Variants in ABCG4 observed in about 807,000 individuals in gnomAD.
ABCG4 encodes ATP-binding cassette sub-family G member 4.
A neutral mutation model predicts 64.6 loss-of-function variants in ABCG4; 35 were observed. The observed-to-expected ratio is 0.54, with a 90% confidence interval of 0.41 to 0.72. The LOEUF is 0.72. Among genes scored for constraint, ABCG4 ranks in the 30% least tolerant of loss-of-function variants. The pLI is 0.00. For missense variants in ABCG4, 610 were observed against 846.3 expected (o/e 0.72, Z 3.46); for synonymous variants, 326 against 348.2 (o/e 0.94, Z 0.71).
rs760040052 is a variant in ABCG4 at position 119,158,529 on chromosome 11, C to T, written c.1168-28C>T. 5.6e-6 allele frequency: 9 copies of T among 1,613,660 alleles called. No individual in the cohort carries two copies. The highest frequency in any genetic ancestry group is 1.3e-5 in the African/African-American group (1 of 74,900). ...TGGCTTGCCCTGGCCTGTAACACAT[C>T]CCTCTCCTGGTGATGACCCCTCCCA... is the stretch of plus-strand genomic sequence containing the variant. On this transcript the variant is annotated intron_variant, in intron 10 of 14. Transcript: ENST00000619701. The surrounding 1 kb of genome is among the most constrained non-coding windows in gnomAD (Gnocchi z 4.5).
chr11:119,157,962 C>T (rs1318841864), intron 9 of ABCG4, among the ~76,000 whole-genome samples: 1 of 152,206 alleles, frequency 6.6e-6, no homozygotes, highest in African/African-American at 2.4e-5. Flanking sequence ...AAAAAAGTAA[C>T]CGATCTATTA....
rs759152966 is a variant in ABCG4, at chr11:119,150,183, G to A, written c.218G>A (p.Gly73Glu). The A allele has an allele frequency of 3.7e-6, 6 of 1,613,884 alleles. No individual in the cohort carries two copies. In the South Asian group the frequency reaches 4.4e-5, roughly 12 times the overall value. The change falls in exon 2 of 15, where the codon GGG (glycine) becomes GAG (glutamate). Residue 73 changes from glycine to glutamate, a missense_variant. By Grantham distance (98) the Gly-to-Glu change is moderately conservative. Coordinates refer to ENST00000619701, the MANE Select transcript of ABCG4 (RefSeq NM_022169.5). This position sits in a 1 kb window ranked among gnomAD's most constrained non-coding sequence, Gnocchi z 4.3. ...FVELSYSVRE[G>E]PCWRKRGYKT... ...GAGCTGTCCTATTCCGTGCGGGAGGGGCCCTGCTGGCGCAAAAGGGGTAGG... is the reference window on the plus strand; with the variant it reads ...GAGCTGTCCTATTCCGTGCGGGAGGAGCCCTGCTGGCGCAAAAGGGGTAGG...
At chr11:119,159,837 C>T (rs1363612469) in intron 12 of ABCG4, among the ~76,000 whole-genome samples, 2 of 152,050 alleles carry the variant, frequency 1.3e-5, no homozygotes, top group African/African-American at 4.8e-5. Flanking sequence ...GATGACTGTA[C>T]TTAGTAAGCT....
At chr11:119,151,868 T>G (rs781597270) in intron 2 of ABCG4, among the ~76,000 whole-genome samples, 3 of 152,230 alleles carry the variant, frequency 2.0e-5, no homozygotes, top group Non-Finnish European at 4.4e-5. Context: ...TAGTCACTTA[T>G]AAGCTGTGTG....
rs1344859518 is a variant in ABCG4, at chr11:119,150,771, G to C, written c.238+568G>C. On this transcript the variant is annotated intron_variant, in intron 2 of 14. Coordinates refer to ENST00000619701, the MANE Select transcript of ABCG4 (RefSeq NM_022169.5). This position sits in a 1 kb window ranked among gnomAD's most constrained non-coding sequence, Gnocchi z 4.3. Reference sequence around the variant, plus strand: ...CTAGTAAGTGGTAGAGCTGAGACCAGAAGCCCGGTTTCCCAGCTCTCCATG... The same window carrying C: ...CTAGTAAGTGGTAGAGCTGAGACCACAAGCCCGGTTTCCCAGCTCTCCATG... Among the ~76,000 whole-genome samples the C allele has an allele frequency of 1.3e-5, 2 of 152,160 alleles. No homozygotes were observed. The highest frequency in any genetic ancestry group is 2.9e-5 in the Non-Finnish European group (2 of 68,020).
rs760857462 is a variant in ABCG4 at position 119,158,361 on chromosome 11, C to G, written c.1167+29C>G. 42 of 1,608,716 alleles carry G rather than the reference C, an allele frequency of 2.6e-5. 1 individual carries two copies. The South Asian group carries it at 4.6e-4, about 18-fold the overall frequency. The stretch of plus-strand genomic sequence containing the variant: ...AGGCGTCAGGCTGGGGGAGAGGAGG[C>G]TGGCACAGGCCTGACCTTTTGGGCT... On this transcript the variant is annotated intron_variant, in intron 10 of 14. Coordinates refer to ENST00000619701, the MANE Select transcript of ABCG4 (RefSeq NM_022169.5). This position sits in a 1 kb window ranked among gnomAD's most constrained non-coding sequence, Gnocchi z 4.5.
chr11:119,156,168 G>A lies in ABCG4; in HGVS notation c.687-161G>A, dbSNP rs542262439. ...ACTGAACAGTGCTCTTGGCTTCTGG[G>A]TATCCCTCCAAGTGCCTGAACCGTA... On this transcript the variant is annotated intron_variant, in intron 6 of 14. Transcript: ENST00000619701. This position sits in a 1 kb window ranked among gnomAD's most constrained non-coding sequence, Gnocchi z 5.5. The A allele has an allele frequency of 1.2e-5, 11 of 887,542 alleles. No individual in the cohort carries two copies. In the African/African-American group the frequency reaches 1.3e-4, roughly 11 times the overall value. The allele number at this position is 887,542 out of a possible 1,614,324, so 55.0% of individuals were successfully genotyped here. A position where few individuals can be genotyped will look rare whatever the true frequency, so the allele number is the denominator to read the frequency against.
chr11:119,161,356 C>G lies in ABCG4; in HGVS notation c.*250C>G, dbSNP rs1488199825. 4.3e-6 allele frequency: 2 copies of G among 461,270 alleles called. No individual in the cohort carries two copies. The highest frequency in any genetic ancestry group is 2.6e-5 in the South Asian group (1 of 38,432). The allele number at this position is 461,270 out of a possible 1,614,324, so 28.6% of individuals were successfully genotyped here. On this transcript the variant is annotated 3_prime_UTR_variant, in exon 15 of 15. Transcript: ENST00000619701. ...TGCGGTTTGTAGCTTCCTCCCTACT[C>G]TCTCCAACACCTGCATGCAAAGACT...
At position 119,160,422 on chromosome 11, in the gene ABCG4, A is replaced by T. The variant is rs540269440; in HGVS notation, c.1596+37A>T. 3 of 1,603,644 alleles carry T rather than the reference A, an allele frequency of 1.9e-6. No individual in the cohort carries two copies. In the African/African-American group the frequency reaches 4.0e-5, roughly 21 times the overall value. ...GGCAGTTGGGAATTCCCAAGGCGGG[A>T]TGAGGTCTTGTGGGAGGAAGCAGGG... On this transcript the variant is annotated intron_variant, in intron 13 of 14. Coordinates refer to ENST00000619701, the MANE Select transcript of ABCG4 (RefSeq NM_022169.5). The surrounding 1 kb of genome is among the most constrained non-coding windows in gnomAD (Gnocchi z 4.6).
At chr11:119,157,858 T>G (rs549604372) in intron 9 of ABCG4, among the ~76,000 whole-genome samples, 5 of 150,252 alleles carry the variant, frequency 3.3e-5, no homozygotes, top group Admixed American at 1.3e-4. Flanking sequence ...AGAGCGAGAC[T>G]CCGTCTCAAA....
intron 12 of ABCG4, among the ~76,000 whole-genome samples, chr11:119,159,710 A>G (rs1215953208): frequency 6.6e-6 from 1 of 152,166 alleles, no homozygotes; most frequent in African/African-American, 2.4e-5. Flanking sequence ...TGTGCAAGTT[A>G]GAAAAAGGTG....
Position 119,158,207 on chromosome 11 carries a change from G to T in ABCG4, c.1069-27G>T. On this transcript the variant is annotated intron_variant, in intron 9 of 14. Transcript: ENST00000619701. This position sits in a 1 kb window ranked among gnomAD's most constrained non-coding sequence, Gnocchi z 4.5. ...GTGGGTGAATGGGGTAGGCTCACCT[G>T]ATCCCGATCCAATTTCTTCTTCCCA... 6.4e-7 allele frequency: 1 copy of T among 1,550,770 alleles called. No individual in the cohort carries two copies. Among genetic ancestry groups the T allele is most frequent in the Non-Finnish European group, 8.8e-7 (1 of 1,142,040 alleles).
At position 119,158,348 on chromosome 11, in the gene ABCG4, G is replaced by A. The variant is rs192734017; in HGVS notation, c.1167+16G>A. ...CAGGGACACGGTGAGGCGTCAGGCT[G>A]GGGGAGAGGAGGCTGGCACAGGCCT... On this transcript the variant is annotated intron_variant, in intron 10 of 14. Coordinates refer to ENST00000619701, the MANE Select transcript of ABCG4 (RefSeq NM_022169.5). This position sits in a 1 kb window ranked among gnomAD's most constrained non-coding sequence, Gnocchi z 4.5. 0.014 allele frequency: 22,000 copies of A among 1,612,768 alleles called. 206 individuals carry two copies. The highest frequency in any genetic ancestry group is 0.017 in the Non-Finnish European group (19,882 of 1,178,934).
Position 119,156,280 on chromosome 11 carries a change from T to G in ABCG4, c.687-49T>G. ...GCCCCGCCCCAGACACTCCCTTCTT[T>G]TGGCCTCACCCACCTCACGTGGCCC... is the stretch of plus-strand genomic sequence containing the variant. On this transcript the variant is annotated intron_variant, in intron 6 of 14. Transcript: ENST00000619701. The surrounding 1 kb of genome is among the most constrained non-coding windows in gnomAD (Gnocchi z 5.5). 1 of 1,612,978 alleles carries G rather than the reference T, an allele frequency of 6.2e-7. No homozygotes were observed. The highest frequency in any genetic ancestry group is 1.1e-5 in the South Asian group (1 of 90,992).
At position 119,149,971 on chromosome 11, in the gene ABCG4, G is replaced by T. The variant is rs1448039304; in HGVS notation, c.6G>T (p.Ala2=). The T allele has an allele frequency of 6.2e-7, 1 of 1,605,600 alleles. No individual in the cohort carries two copies. The highest frequency in any genetic ancestry group is 1.3e-5 in the African/African-American group (1 of 75,008). ...CCTTGCAGGTCGGCGGCGTGATGGC[G>T]GAGAAGGCGCTGGAGGCCGTGGGCT... M[A]EKALEAVGCG... Residue 2 remains alanine, a synonymous_variant, in exon 2 of 15, where the codon GCG becomes GCT. Coordinates refer to ENST00000619701, the MANE Select transcript of ABCG4 (RefSeq NM_022169.5). This position sits in a 1 kb window ranked among gnomAD's most constrained non-coding sequence, Gnocchi z 8.3.
chr11:119,157,986 G>T (rs1186358913), intron 9 of ABCG4, among the ~76,000 whole-genome samples: 1 of 152,210 alleles, frequency 6.6e-6, no homozygotes, highest in Non-Finnish European at 1.5e-5. Flanking sequence ...GCCACCACGG[G>T]TGTCCATTAC....
chr11:119,152,019 C>A (rs1464049394), intron 2 of ABCG4, among the ~76,000 whole-genome samples: 1 of 152,244 alleles, frequency 6.6e-6, no homozygotes, highest in African/African-American at 2.4e-5. Context: ...TTGTGTTAGG[C>A]ATCAGTGTTC....
chr11:119,161,322 C>T lies in ABCG4; in HGVS notation c.*216C>T, dbSNP rs1206481164. On this transcript the variant is annotated 3_prime_UTR_variant, in exon 15 of 15. Coordinates refer to ENST00000619701, the MANE Select transcript of ABCG4 (RefSeq NM_022169.5). ...CTCCCCACTATGCCCAGGAGTCTTC[C>T]CAAGTTGATGCGGTTTGTAGCTTCC... is the stretch of plus-strand genomic sequence containing the variant. 6 of 551,100 alleles carry T rather than the reference C, an allele frequency of 1.1e-5. No individual in the cohort carries two copies. The African/African-American group carries it at 1.1e-4, about 10-fold the overall frequency. 34.1% of individuals were successfully genotyped at this position (551,100 alleles called of 1,614,324 possible).
rs1404241872 is a variant in ABCG4, at chr11:119,149,231, C to G, written c.-145C>G. 1 of 151,572 alleles carries G rather than the reference C, an allele frequency of 6.6e-6. No individual in the cohort carries two copies. The highest frequency in any genetic ancestry group is 1.5e-5 in the Non-Finnish European group (1 of 67,810). The allele number at this position is 151,572 out of a possible 1,614,324, so 9.4% of individuals were successfully genotyped here. ...GCCCCGCCCCGGCCCCGCCCCGGCC[C>G]GGGCCGCCGGGACCGGGAGCCGGGA... is the stretch of plus-strand genomic sequence containing the variant. On this transcript the variant is annotated 5_prime_UTR_variant, in exon 1 of 15. Transcript: ENST00000619701. The surrounding 1 kb of genome is among the most constrained non-coding windows in gnomAD (Gnocchi z 8.3).
Sources: gnomAD v4.1 joint callset for allele counts (sites outside exome capture counted in the v4.1 genomes callset) on GRCh38, gnomAD v4.1.1 for gene constraint, Gnocchi (gnomAD v3.1) non-coding constraint, MANE v1.5 for transcripts, NCBI Gene and HGNC (gene_info 2026-07-23, HGNC 2026-07-21) for gene names.